The following MAGI1 variants were observed in gnomAD, a reference collection of about 807,000 sequenced individuals.
MAGI1 encodes the protein membrane associated guanylate kinase, WW and PDZ domain containing 1.
In MAGI1, 58 loss-of-function variants were observed where a neutral mutation model predicts 139.9. That is an observed-to-expected ratio of 0.41 (90% CI 0.34 to 0.52). MAGI1 has a LOEUF of 0.52. Ranked by LOEUF, MAGI1 falls within the 20% of genes least tolerant of loss-of-function variation. MAGI1 has a pLI of 0.12. For missense variants in MAGI1, 1,874 were observed against 1,901.6 expected (o/e 0.99, Z 0.27); for synonymous variants, 812 against 737.9 (o/e 1.10, Z -1.63).
intron 1 of MAGI1, among the ~76,000 whole-genome samples, chr3:65,804,502 A>C (rs938246431): frequency 6.6e-6 from 1 of 152,026 alleles, no homozygotes; most frequent in African/African-American, 2.4e-5. Context: ...ATATTAATAC[A>C]TGTTATATAC....
At chr3:65,665,206 T>A (rs568515546) in intron 1 of MAGI1, among the ~76,000 whole-genome samples, 3 of 152,232 alleles carry the variant, frequency 2.0e-5, no homozygotes, top group Non-Finnish European at 4.4e-5. Flanking sequence ...GTGTGCTGGA[T>A]ATGCTTCATT....
chr3:65,358,399 G>A (rs1313400353), intron 22 of MAGI1, among the ~76,000 whole-genome samples: 2 of 152,136 alleles, frequency 1.3e-5, no homozygotes, highest in African/African-American at 4.8e-5. Flanking sequence ...AGCCAACAAG[G>A]TCAATATTTA....
chr3:65,835,604 G>C (rs546093340), intron 1 of MAGI1, among the ~76,000 whole-genome samples: 88 of 150,442 alleles, frequency 5.8e-4, no homozygotes, highest in African/African-American at 2.1e-3. Context: ...TTTGAAAACA[G>C]ATGACTATAT....
At chr3:66,021,738 T>A (rs2067972667) in intron 1 of MAGI1, among the ~76,000 whole-genome samples, 1 of 152,162 alleles carries the variant, frequency 6.6e-6, no homozygotes, top group African/African-American at 2.4e-5. Flanking sequence ...TCTATGTAAG[T>A]GGCTGTTCTG....
intron 1 of MAGI1, among the ~76,000 whole-genome samples, chr3:65,804,597 T>C (rs888995443): frequency 7.2e-6 from 1 of 139,466 alleles, no homozygotes; most frequent in African/African-American, 2.7e-5. Context: ...CTAAAGGTTT[T>C]TCTGTACACA....
intron 1 of MAGI1, among the ~76,000 whole-genome samples, chr3:65,723,248 A>C (rs969305934): frequency 2.0e-5 from 3 of 152,086 alleles, no homozygotes; most frequent in African/African-American, 7.2e-5. Flanking sequence ...ACCTCGGAGG[A>C]AGTGTGTGTG....
At chr3:66,016,896 A>G (rs1576472946) in intron 1 of MAGI1, among the ~76,000 whole-genome samples, 1 of 152,242 alleles carries the variant, frequency 6.6e-6, no homozygotes, top group African/African-American at 2.4e-5. Context: ...CAGTCGCAAA[A>G]GGGTAAACAC....
chr3:65,946,453 T>TC, intron 1 of MAGI1, among the ~76,000 whole-genome samples: 1 of 152,312 alleles, frequency 6.6e-6, no homozygotes, highest in African/African-American at 2.4e-5. Flanking sequence ...CCTTTGGTTT[T>TC]TTTTTCCGTT....
intron 1 of MAGI1, chr3:65,874,978 G>A (rs923760601): frequency 1.3e-5 from 2 of 152,644 alleles, no homozygotes; most frequent in African/African-American, 4.8e-5. Flanking sequence ...AGCACTCTAG[G>A]AGGCTGAGGC....
chr3:65,354,832 C>T lies in MAGI1; in HGVS notation c.*1546G>A, dbSNP rs543787230. 3 of 151,988 alleles carry T rather than the reference C, an allele frequency of 2.0e-5. No homozygotes were observed. In the East Asian group the frequency reaches 5.8e-4, roughly 29 times the overall value. The allele number at this position is 151,988 out of a possible 1,614,324, so 9.4% of individuals were successfully genotyped here. The stretch of plus-strand genomic sequence containing the variant: ...TTGTTTTCTTTTTTTTCCCAACAGG[C>T]TCTATTAATTACAATTTTTAGCTCT... On this transcript the variant is annotated 3_prime_UTR_variant, in exon 23 of 23. Coordinates refer to ENST00000402939, the MANE Select transcript of MAGI1 (RefSeq NM_001033057.2).
chr3:65,736,649 A>G (rs1450516229), intron 1 of MAGI1, among the ~76,000 whole-genome samples: 1 of 152,194 alleles, frequency 6.6e-6, no homozygotes, highest in African/African-American at 2.4e-5. Context: ...CAAGGGCAGG[A>G]GAAGATGGGT....
intron 1 of MAGI1, among the ~76,000 whole-genome samples, chr3:65,723,438 G>T (rs1291813154): frequency 6.6e-6 from 1 of 152,134 alleles, no homozygotes; most frequent in Non-Finnish European, 1.5e-5. Flanking sequence ...ATCTCTAGGG[G>T]CAGAAATAAT....
At chr3:65,586,769 AT>A (rs5849680) in intron 2 of MAGI1, among the ~76,000 whole-genome samples, 73 of 147,526 alleles carry the variant, frequency 4.9e-4, no homozygotes, top group East Asian at 5.9e-4. Flanking sequence ...CAAGTAACAG[AT>A]TTTTTTTTTT....
chr3:65,954,971 G>C (rs879616161), intron 1 of MAGI1, among the ~76,000 whole-genome samples: 1 of 151,628 alleles, frequency 6.6e-6, no homozygotes, highest in Non-Finnish European at 1.5e-5. Flanking sequence ...AAAGAATTGA[G>C]ACTTAGAAAA....
intron 1 of MAGI1, chr3:65,718,403 A>G (rs1253120194): frequency 6.6e-6 from 1 of 152,194 alleles, no homozygotes; most frequent in African/African-American, 2.4e-5. Flanking sequence ...TTGAACAGCC[A>G]TATCAATATA....
At chr3:65,581,825 T>C (rs376983134) in intron 2 of MAGI1, among the ~76,000 whole-genome samples, 2 of 152,196 alleles carry the variant, frequency 1.3e-5, no homozygotes, top group African/African-American at 4.8e-5. Context: ...GCGGTCCTTA[T>C]CTAACTCTCC....
At position 65,503,822 on chromosome 3, in the gene MAGI1, T is replaced by C. The variant is rs112360666; in HGVS notation, c.431-10191A>G. On this transcript the variant is annotated intron_variant, in intron 2 of 22. Coordinates refer to ENST00000402939, the MANE Select transcript of MAGI1 (RefSeq NM_001033057.2). ...ATCCTACTTCTAGCTCTTTTCTCTA[T>C]AGCTATGACATGGGATGAAGGAAAA... Among the ~76,000 whole-genome samples the C allele has an allele frequency of 5.1e-3, 782 of 152,278 alleles. 6 individuals are homozygous for C. Among genetic ancestry groups the C allele is most frequent in the African/African-American group, 0.017 (723 of 41,540 alleles).
At chr3:65,440,826 T>C (rs954548114) in intron 8 of MAGI1, among the ~76,000 whole-genome samples, 4 of 117,154 alleles carry the variant, frequency 3.4e-5, no homozygotes, top group Admixed American at 9.4e-5. Flanking sequence ...TATGTGTACA[T>C]GTATACATAT....
chr3:65,832,477 T>C (rs1266315806), intron 1 of MAGI1, among the ~76,000 whole-genome samples: 2 of 152,110 alleles, frequency 1.3e-5, no homozygotes, highest in African/African-American at 2.4e-5. Flanking sequence ...CTAGCATGTC[T>C]CTGAATACGA....
Sources: allele counts gnomAD v4.1 joint callset (sites outside exome capture counted in the v4.1 genomes callset), GRCh38; gene constraint gnomAD v4.1.1; transcripts MANE v1.5; gene names NCBI Gene and HGNC (gene_info 2026-07-23, HGNC 2026-07-21).